Variants in CCDC192 observed in about 807,000 individuals in gnomAD.
The protein encoded by CCDC192 is coiled-coil domain containing 192.
intron 5 of CCDC192, among the ~76,000 whole-genome samples, chr5:127,829,613 T>A (rs921938064): frequency 6.6e-6 from 1 of 152,204 alleles, no homozygotes; most frequent in Non-Finnish European, 1.5e-5. Flanking sequence ...AATGAAATAG[T>A]TCCAATCTCA....
chr5:127,941,089 C>T (rs1301031308), intron 6 of CCDC192, 93 bp from the exon 7 acceptor site: 3 of 397,846 alleles, frequency 7.5e-6, no homozygotes, highest in Admixed American at 4.4e-5. Flanking sequence ...CTTTTAAGAA[C>T]GTGAGAAATG....
intron 3 of CCDC192, among the ~76,000 whole-genome samples, chr5:127,795,308 A>C (rs1028682515): frequency 2.0e-5 from 3 of 151,846 alleles, no homozygotes; most frequent in East Asian, 1.9e-4. Context: ...AAAAAAAAAA[A>C]AACAATTTGG....
chr5:127,788,246 G>A (rs1302147392), intron 3 of CCDC192, among the ~76,000 whole-genome samples: 4 of 152,018 alleles, frequency 2.6e-5, no homozygotes, highest in Admixed American at 6.6e-5. Flanking sequence ...TTGACAAATT[G>A]CCACTTTTAT....
chr5:127,886,603 C>G (rs1423372988), intron 6 of CCDC192, among the ~76,000 whole-genome samples: 3 of 152,106 alleles, frequency 2.0e-5, no homozygotes, highest in Non-Finnish European at 4.4e-5. Flanking sequence ...ATTTTCTTTT[C>G]TCTAGATGAC....
intron 5 of CCDC192, among the ~76,000 whole-genome samples, chr5:127,812,297 A>C (rs548477385): frequency 2.0e-5 from 3 of 152,216 alleles, no homozygotes; most frequent in African/African-American, 7.2e-5. Context: ...TTGTGAGAGA[A>C]TGCTCTGAAT....
intron 2 of CCDC192, among the ~76,000 whole-genome samples, chr5:127,725,213 A>C (rs1752254518): frequency 6.6e-6 from 1 of 152,116 alleles, no homozygotes; most frequent in African/African-American, 2.4e-5. Flanking sequence ...GAAGTACTCT[A>C]TTTTCTTTAT....
chr5:127,709,804 A>C (rs988807090), intron 2 of CCDC192, among the ~76,000 whole-genome samples: 1 of 152,156 alleles, frequency 6.6e-6, no homozygotes, highest in Non-Finnish European at 1.5e-5. Context: ...TTGCCCAAAG[A>C]GTGTCCCTCA....
intron 5 of CCDC192, among the ~76,000 whole-genome samples, chr5:127,801,694 G>T (rs779864476): frequency 6.6e-6 from 1 of 152,114 alleles, no homozygotes; most frequent in Non-Finnish European, 1.5e-5. Context: ...ATTATTTTCT[G>T]TGGGTCCCCA....
chr5:127,891,146 G>A (rs554566569), intron 6 of CCDC192, among the ~76,000 whole-genome samples: 20 of 152,268 alleles, frequency 1.3e-4, no homozygotes, highest in African/African-American at 4.6e-4. Flanking sequence ...CAGCCTCCCG[G>A]GTTCAAGCAG....
At chr5:127,915,099 G>C (rs749743559) in intron 6 of CCDC192, among the ~76,000 whole-genome samples, 25 of 152,086 alleles carry the variant, frequency 1.6e-4, no homozygotes, top group Admixed American at 1.4e-3. Flanking sequence ...CCGGGAACCA[G>C]AATAAAGTGA....
intron 2 of CCDC192, among the ~76,000 whole-genome samples, chr5:127,729,323 T>A (rs1241544540): frequency 6.6e-6 from 1 of 152,202 alleles, no homozygotes; most frequent in South Asian, 2.1e-4. Context: ...CTATCCTAAA[T>A]ATATATGCAC....
chr5:127,918,216 T>TAAAAAAAAAAAAAAA lies in CCDC192; in HGVS notation c.536-22961_536-22947dup, dbSNP rs1219307107. On this transcript the variant is annotated intron_variant, in intron 6 of 6. Transcript: ENST00000514853. ...AGGGTTGCCAGACACCTTCAATTTG[T>TAAAAAAAAAAAAAAA]AAAAAAAAAAAAAAAAAAAGTAGTA... is the stretch of plus-strand genomic sequence containing the variant. 7.2e-4 allele frequency among the ~76,000 whole-genome samples: 72 copies of TAAAAAAAAAAAAAAA among 100,384 alleles called. 3 individuals are homozygous for TAAAAAAAAAAAAAAA. Among genetic ancestry groups the TAAAAAAAAAAAAAAA allele is most frequent in the African/African-American group, 3.1e-3 (69 of 22,150 alleles). 65.9% of individuals were successfully genotyped at this position (100,384 alleles called of 152,430 possible). A position where few individuals can be genotyped will look rare whatever the true frequency, so the allele number is the denominator to read the frequency against.
intron 2 of CCDC192, among the ~76,000 whole-genome samples, chr5:127,737,479 T>C (rs1284377431): frequency 4.6e-5 from 7 of 151,630 alleles, no homozygotes; most frequent in African/African-American, 1.7e-4. Flanking sequence ...AATTCCTGGG[T>C]ATCCTTGTTG....
intron 6 of CCDC192, among the ~76,000 whole-genome samples, chr5:127,880,205 A>G (rs1395748038): frequency 6.6e-6 from 1 of 151,496 alleles, no homozygotes; most frequent in Non-Finnish European, 1.5e-5. Context: ...ACCAACCCAA[A>G]TGTTCAACAA....
chr5:127,839,855 C>G (rs879854712), intron 5 of CCDC192, among the ~76,000 whole-genome samples: 2 of 151,844 alleles, frequency 1.3e-5, no homozygotes, highest in South Asian at 2.1e-4. Context: ...ACTGCCAATA[C>G]TCCATCTTAA....
intron 5 of CCDC192, among the ~76,000 whole-genome samples, chr5:127,835,421 A>C (rs1749991399): frequency 6.6e-6 from 1 of 152,154 alleles, no homozygotes; most frequent in Non-Finnish European, 1.5e-5. Context: ...GGATGCACAC[A>C]GTGTTTTCTT....
chr5:127,737,380 G>A (rs1403698920), intron 2 of CCDC192, among the ~76,000 whole-genome samples: 4 of 152,110 alleles, frequency 2.6e-5, no homozygotes, highest in Non-Finnish European at 5.9e-5. Flanking sequence ...TAGATGTGGT[G>A]TGGTGCTGAA....
intron 6 of CCDC192, among the ~76,000 whole-genome samples, chr5:127,927,099 T>C (rs1432950732): frequency 6.6e-6 from 1 of 152,082 alleles, no homozygotes; most frequent in African/African-American, 2.4e-5. Flanking sequence ...AAAAATTAGA[T>C]TGTAATACGT....
At chr5:127,730,760 CA>C (rs758317062) in intron 2 of CCDC192, among the ~76,000 whole-genome samples, 1 of 152,122 alleles carries the variant, frequency 6.6e-6, no homozygotes, top group Non-Finnish European at 1.5e-5. Context: ...GAACTAAAGA[CA>C]AAAACTACAT....
Sources: allele counts gnomAD v4.1 joint callset (sites outside exome capture counted in the v4.1 genomes callset), GRCh38; gene constraint gnomAD v4.1.1; transcripts MANE v1.5; gene names NCBI Gene and HGNC (gene_info 2026-07-23, HGNC 2026-07-21).